Variants in ZC2HC1B observed in about 807,000 individuals in gnomAD.
ZC2HC1B encodes zinc finger C2HC domain-containing protein 1B.
ZC2HC1B carries 36 observed loss-of-function variants against 31.0 expected under a neutral mutation model. The ratio of observed to expected loss-of-function variants is 1.16; its 90% CI spans 0.89 to 1.54. The LOEUF is 1.54. Among genes scored for constraint, ZC2HC1B ranks in the 40% most tolerant of loss-of-function variants. The pLI, the probability that ZC2HC1B is intolerant of heterozygous loss-of-function variation, is 0.00. For missense variants in ZC2HC1B, 260 were observed against 268.6 expected (o/e 0.97, Z 0.22); for synonymous variants, 73 against 88.0 (o/e 0.83, Z 0.95).
intron 4 of ZC2HC1B, among the ~76,000 whole-genome samples, chr6:143,890,230 C>G (rs1481828195): frequency 6.6e-6 from 1 of 151,918 alleles, no homozygotes; most frequent in Non-Finnish European, 1.5e-5. Flanking sequence ...CTTAAACTTT[C>G]TCTTTAAAAG....
intron 1 of ZC2HC1B, among the ~76,000 whole-genome samples, chr6:143,877,290 T>TTTTTTTTTTTTTTTA (rs1451331829): frequency 7.4e-6 from 1 of 135,728 alleles, no homozygotes; most frequent in Non-Finnish European, 1.6e-5. Context: ...TTTTTTTTTT[T>TTTTTTTTTTTTTTTA]TTTTTTTTTG....
At position 143,882,332 on chromosome 6, in the gene ZC2HC1B, TTTTATA is replaced by T. The variant is rs1470291662; in HGVS notation, c.29-1970_29-1965del. Among the ~76,000 whole-genome samples, 25 of 67,390 alleles carry T rather than the reference TTTTATA, an allele frequency of 3.7e-4. No individual in the cohort carries two copies. In the South Asian group the frequency reaches 4.0e-3, roughly 11 times the overall value. The allele number at this position is 67,390 out of a possible 152,430, so 44.2% of individuals were successfully genotyped here. A position where few individuals can be genotyped will look rare whatever the true frequency, so the allele number is the denominator to read the frequency against. Reference sequence around the variant, plus strand: ...AAAATATGTATACATATTTTATATTTTTTATATATATATATATATATATATATATAT... The same window carrying T: ...AAAATATGTATACATATTTTATATTTTATATATATATATATATATATATAT... On this transcript the variant is annotated intron_variant, in intron 1 of 7. Coordinates refer to ENST00000237275, the MANE Select transcript of ZC2HC1B (RefSeq NM_001013623.3).
In ZC2HC1B at chr6:143,877,392, C is replaced by T. The variant is rs1010822876; in HGVS notation, c.29-6912C>T. On this transcript the variant is annotated intron_variant, in intron 1 of 7. Transcript: ENST00000237275. Reference sequence around the variant, plus strand: ...CCACCTCCTGGGTTCAAGCTATTCTCCTGCCTCAGCCTCCTGAGTAGCTGG... The same window carrying T: ...CCACCTCCTGGGTTCAAGCTATTCTTCTGCCTCAGCCTCCTGAGTAGCTGG... Among the ~76,000 whole-genome samples, 7 of 141,936 alleles carry T rather than the reference C, an allele frequency of 4.9e-5. 1 individual carries two copies. The South Asian group carries it at 9.5e-4, about 19-fold the overall frequency. The allele number at this position is 141,936 out of a possible 152,430, so 93.1% of individuals were successfully genotyped here.
intron 1 of ZC2HC1B, among the ~76,000 whole-genome samples, chr6:143,880,647 C>G (rs1467401131): frequency 1.3e-5 from 2 of 151,920 alleles, no homozygotes; most frequent in Admixed American, 6.6e-5. Flanking sequence ...GTCATATGGC[C>G]TTCATCGAAA....
chr6:143,872,319 A>G lies in ZC2HC1B; in HGVS notation c.28+7752A>G, dbSNP rs1399752823. On this transcript the variant is annotated intron_variant, in intron 1 of 7. Transcript: ENST00000237275. This position sits in a 1 kb window ranked among gnomAD's most constrained non-coding sequence, Gnocchi z 5.5. The stretch of plus-strand genomic sequence containing the variant: ...GACCTAGAAGTTTTCTGCTTATATA[A>G]ATTAAGTAAAAATACAGTAGGCTTC... Among the ~76,000 whole-genome samples, 1 of 152,148 alleles carries G rather than the reference A, an allele frequency of 6.6e-6. No homozygotes were observed. Among genetic ancestry groups the G allele is most frequent in the Non-Finnish European group, 1.5e-5 (1 of 68,022 alleles).
rs1469019003 is a variant in ZC2HC1B at position 143,918,554 on chromosome 6, TCTTA to T, written c.598+15406_598+15409del. On this transcript the variant is annotated intron_variant, in intron 6 of 7. Transcript: ENST00000237275. The surrounding 1 kb of genome is among the most constrained non-coding windows in gnomAD (Gnocchi z 4.1). ...CTCAGTGTTGGTCTCTTTGAGTTTGTCTTACTTTTAGTTTTTGAATGATTCTTAA... is the reference window on the plus strand; with the variant it reads ...CTCAGTGTTGGTCTCTTTGAGTTTGTCTTTTAGTTTTTGAATGATTCTTAA... Among the ~76,000 whole-genome samples the T allele has an allele frequency of 6.6e-6, 1 of 152,206 alleles. No homozygotes were observed. The highest frequency in any genetic ancestry group is 2.4e-5 in the African/African-American group (1 of 41,444).
chr6:143,906,822 T>C (rs1777800075), intron 6 of ZC2HC1B, among the ~76,000 whole-genome samples: 2 of 151,910 alleles, frequency 1.3e-5, no homozygotes, highest in South Asian at 4.2e-4. Flanking sequence ...ATGTGCAGGA[T>C]GTGCAGGTTT....
intron 6 of ZC2HC1B, among the ~76,000 whole-genome samples, chr6:143,925,698 G>A (rs1469330226): frequency 6.6e-6 from 1 of 151,698 alleles, no homozygotes; most frequent in Non-Finnish European, 1.5e-5. Context: ...CATCACACCA[G>A]GCTAATTTTT....
Position 143,869,384 on chromosome 6 carries a change from TATCA to T in ZC2HC1B, c.28+4821_28+4824del, listed in dbSNP as rs1777308973. On this transcript the variant is annotated intron_variant, in intron 1 of 7. Transcript: ENST00000237275. This position sits in a 1 kb window ranked among gnomAD's most constrained non-coding sequence, Gnocchi z 5.2. ...ACTTCAAAAGGCCATCCCACCGTTA[TATCA>T]ATCCAACTGCTTCAGGATGATGAAG... Among the ~76,000 whole-genome samples the T allele has an allele frequency of 6.6e-6, 1 of 152,240 alleles. No individual in the cohort carries two copies. Among genetic ancestry groups the T allele is most frequent in the Non-Finnish European group, 1.5e-5 (1 of 68,036 alleles).
At position 143,886,061 on chromosome 6, in the gene ZC2HC1B, C is replaced by T. The variant is rs771440963; in HGVS notation, c.120C>T (p.Leu40=). The change falls in exon 3 of 8, where the codon CTC becomes CTT. Residue 40 remains leucine (L), a synonymous_variant. Coordinates refer to ENST00000237275, the MANE Select transcript of ZC2HC1B (RefSeq NM_001013623.3). The surrounding 1 kb of genome is among the most constrained non-coding windows in gnomAD (Gnocchi z 4.2). The part of the protein sequence containing the change: ...LERHGPICKK[L]FNRKRKPFSS... ...GGCATGGACCAATATGTAAGAAACT[C>T]TTCAACAGAAAGCGTAAACCTTTCA... is the stretch of plus-strand genomic sequence containing the variant. The T allele has an allele frequency of 1.3e-6, 2 of 1,545,602 alleles. No homozygotes were observed. Among genetic ancestry groups the T allele is most frequent in the Non-Finnish European group, 1.7e-6 (2 of 1,145,262 alleles).
intron 4 of ZC2HC1B, among the ~76,000 whole-genome samples, chr6:143,893,717 T>C (rs1170178497): frequency 6.6e-6 from 1 of 152,162 alleles, no homozygotes; most frequent in African/African-American, 2.4e-5. Context: ...GACAGAGTCT[T>C]GCTCTGTCAC....
intron 4 of ZC2HC1B, among the ~76,000 whole-genome samples, chr6:143,892,733 G>A (rs997774712): frequency 2.0e-5 from 3 of 152,110 alleles, no homozygotes; most frequent in Non-Finnish European, 2.9e-5. Flanking sequence ...GACTGCCTCC[G>A]ACACTGAAGA....
chr6:143,917,828 G>T lies in ZC2HC1B; in HGVS notation c.598+14676G>T, dbSNP rs1777936256. On this transcript the variant is annotated intron_variant, in intron 6 of 7. Transcript: ENST00000237275. The surrounding 1 kb of genome is among the most constrained non-coding windows in gnomAD (Gnocchi z 4.1). ...TAGTAAACTAATAATTCCTACATTTGGTCTCTTAAATTATGTATAAAACAA... is the reference window on the plus strand; with the variant it reads ...TAGTAAACTAATAATTCCTACATTTTGTCTCTTAAATTATGTATAAAACAA... Among the ~76,000 whole-genome samples the T allele has an allele frequency of 6.6e-6, 1 of 152,110 alleles. No individual in the cohort carries two copies. The highest frequency in any genetic ancestry group is 2.1e-4 in the South Asian group (1 of 4,824).
chr6:143,928,972 T>A (rs1238859771), intron 6 of ZC2HC1B, among the ~76,000 whole-genome samples: 1 of 152,138 alleles, frequency 6.6e-6, no homozygotes, highest in Admixed American at 6.5e-5. Flanking sequence ...ATTTATCAAA[T>A]CTAGCAGTCT....
intron 5 of ZC2HC1B, among the ~76,000 whole-genome samples, chr6:143,901,652 C>T (rs1777740150): frequency 6.6e-6 from 1 of 152,126 alleles, no homozygotes; most frequent in South Asian, 2.1e-4. Context: ...TGGGGTTAAT[C>T]ATGTGTACCT....
In ZC2HC1B at chr6:143,887,689, A is replaced by AT. The variant is rs1470225255; in HGVS notation, c.349+871dup. On this transcript the variant is annotated intron_variant, in intron 4 of 7. Transcript: ENST00000237275. The surrounding 1 kb of genome is among the most constrained non-coding windows in gnomAD (Gnocchi z 5.1). ...TCTCATGTTCTGTATTTCTCCACTTATTTAGTCATATTGTTAAATTTTTTC... is the reference window on the plus strand; with the variant it reads ...TCTCATGTTCTGTATTTCTCCACTTATTTTAGTCATATTGTTAAATTTTTTC... Among the ~76,000 whole-genome samples, 1 of 151,988 alleles carries AT rather than the reference A, an allele frequency of 6.6e-6. No homozygotes were observed. Among genetic ancestry groups the AT allele is most frequent in the Admixed American group, 6.6e-5 (1 of 15,260 alleles).
intron 4 of ZC2HC1B, among the ~76,000 whole-genome samples, chr6:143,891,037 A>C (rs1210877619): frequency 6.6e-6 from 1 of 151,644 alleles, no homozygotes; most frequent in Admixed American, 6.6e-5. Flanking sequence ...AGGCTGAGGC[A>C]GGAGAATCAC....
chr6:143,873,983 T>C (rs1367054572), intron 1 of ZC2HC1B, among the ~76,000 whole-genome samples: 1 of 152,254 alleles, frequency 6.6e-6, no homozygotes, highest in African/African-American at 2.4e-5. Flanking sequence ...CCTTTTCTAC[T>C]GCATCATCAA....
intron 4 of ZC2HC1B, among the ~76,000 whole-genome samples, chr6:143,892,135 CAG>C (rs1343136240): frequency 6.6e-6 from 1 of 152,064 alleles, no homozygotes; most frequent in East Asian, 1.9e-4. Flanking sequence ...TTTTGGCTCA[CAG>C]TTCTGCAGGT....
Sources: allele counts gnomAD v4.1 joint callset (sites outside exome capture counted in the v4.1 genomes callset), GRCh38; gene constraint gnomAD v4.1.1; non-coding constraint Gnocchi (gnomAD v3.1); transcripts MANE v1.5; gene names NCBI Gene and HGNC (gene_info 2026-07-23, HGNC 2026-07-21).